The following SHISA9 variants were observed in gnomAD, a reference collection of about 807,000 sequenced individuals.
SHISA9 encodes protein shisa-9.
SHISA9 carries 13 observed loss-of-function variants against 38.0 expected under a neutral mutation model. That is an observed-to-expected ratio of 0.34 (90% CI 0.22 to 0.54). SHISA9 has a LOEUF of 0.54. SHISA9 is among the 20% of genes least tolerant of loss of function. The pLI is 0.91. For missense variants in SHISA9, 538 were observed against 575.8 expected (o/e 0.93, Z 0.67); for synonymous variants, 275 against 242.0 (o/e 1.14, Z -1.27).
chr16:12,969,427 T>C (rs1460429508), intron 2 of SHISA9, among the ~76,000 whole-genome samples: 1 of 151,688 alleles, frequency 6.6e-6, no homozygotes, highest in Non-Finnish European at 1.5e-5. Flanking sequence ...CTTGCACTTA[T>C]AAAGTGTACA....
At chr16:13,374,191 A>G in the SHISA9 span, among the ~76,000 whole-genome samples, 1 of 151,044 alleles carries the variant, frequency 6.6e-6, no homozygotes, top group Non-Finnish European at 1.5e-5. Context: ...GTATGCTTTA[A>G]GTTCTAGGGT....
At chr16:13,159,072 A>C (rs1474804258) in intron 2 of SHISA9, among the ~76,000 whole-genome samples, 2 of 147,542 alleles carry the variant, frequency 1.4e-5, no homozygotes, top group South Asian at 2.2e-4. Context: ...AAAAAAAAAA[A>C]CAAAACCAAA....
chr16:13,513,626 T>C, the SHISA9 span, among the ~76,000 whole-genome samples: 1 of 152,132 alleles, frequency 6.6e-6, no homozygotes, highest in Non-Finnish European at 1.5e-5. Context: ...GAAAATGTGG[T>C]ACATACACAC....
the SHISA9 span, among the ~76,000 whole-genome samples, chr16:13,497,030 T>C: frequency 0.015 from 2,253 of 152,264 alleles, 51 homozygotes; most frequent in African/African-American, 0.05. Flanking sequence ...TGAAGTTAAT[T>C]TGAAAATATA....
chr16:13,028,168 C>T (rs1045594994), intron 2 of SHISA9, among the ~76,000 whole-genome samples: 22 of 151,878 alleles, frequency 1.4e-4, no homozygotes, highest in Admixed American at 3.9e-4. Flanking sequence ...CAAAATTGAT[C>T]AAACTGTGTA....
the SHISA9 span, among the ~76,000 whole-genome samples, chr16:13,511,923 C>T: frequency 6.6e-6 from 1 of 152,070 alleles, no homozygotes; most frequent in Non-Finnish European, 1.5e-5. Context: ...GCAGAGGGAA[C>T]AATCCTAAGA....
chr16:12,918,118 G>A (rs570227156), intron 2 of SHISA9, among the ~76,000 whole-genome samples: 1 of 152,246 alleles, frequency 6.6e-6, no homozygotes, highest in South Asian at 2.1e-4. Context: ...GATCACAAAA[G>A]GGTATGAGAA....
chr16:13,325,897 C>T, the SHISA9 span, among the ~76,000 whole-genome samples: 1 of 151,118 alleles, frequency 6.6e-6, no homozygotes, highest in African/African-American at 2.4e-5. Context: ...CAGGGCCTCT[C>T]GGTGGGGTAT....
intron 2 of SHISA9, among the ~76,000 whole-genome samples, chr16:13,040,854 G>A (rs893854565): frequency 1.3e-5 from 2 of 152,192 alleles, no homozygotes; most frequent in Non-Finnish European, 2.9e-5. Flanking sequence ...TTTGTTTTAA[G>A]TTGCCCTGTT....
intron 2 of SHISA9, among the ~76,000 whole-genome samples, chr16:13,007,909 C>A (rs1002700492): frequency 6.6e-6 from 1 of 152,116 alleles, no homozygotes; most frequent in African/African-American, 2.4e-5. Context: ...TTTAGTATTC[C>A]CAGGGTCTTG....
At chr16:13,337,804 T>C in the SHISA9 span, among the ~76,000 whole-genome samples, 1 of 152,000 alleles carries the variant, frequency 6.6e-6, no homozygotes, top group Admixed American at 6.6e-5. Flanking sequence ...TCTCATGAGA[T>C]CTCATTGTTC....
intron 2 of SHISA9, among the ~76,000 whole-genome samples, chr16:13,078,844 G>C (rs1245863260): frequency 1.3e-5 from 2 of 152,148 alleles, no homozygotes; most frequent in African/African-American, 2.4e-5. Flanking sequence ...GCAACCTGAT[G>C]GTGGAGATGC....
chr16:13,453,834 C>T, the SHISA9 span, among the ~76,000 whole-genome samples: 1 of 152,330 alleles, frequency 6.6e-6, no homozygotes, highest in South Asian at 2.1e-4. Context: ...GCTCACCTCA[C>T]TCCCAATCAA....
chr16:13,496,814 TAC>T, the SHISA9 span, among the ~76,000 whole-genome samples: 1 of 152,082 alleles, frequency 6.6e-6, no homozygotes, highest in East Asian at 1.9e-4. Flanking sequence ...AAGGTTAAAA[TAC>T]ACACACACGA....
chr16:13,362,432 C>CA, the SHISA9 span, among the ~76,000 whole-genome samples: 82 of 151,498 alleles, frequency 5.4e-4, 2 homozygotes, highest in East Asian at 0.014. Context: ...TGTCTCAGAC[C>CA]AAAAAAACAA....
chr16:13,120,118 A>G (rs779252250), intron 2 of SHISA9, among the ~76,000 whole-genome samples: 5 of 152,218 alleles, frequency 3.3e-5, no homozygotes, highest in Non-Finnish European at 1.5e-5. Flanking sequence ...GGGGACAGAT[A>G]GGTGTCTGCA....
At chr16:13,380,077 A>G in the SHISA9 span, among the ~76,000 whole-genome samples, 8 of 152,162 alleles carry the variant, frequency 5.3e-5, no homozygotes, top group Non-Finnish European at 1.2e-4. Flanking sequence ...GAACCGAAAG[A>G]CGAAGATACA....
chr16:13,175,080 G>A (rs1227204528), intron 2 of SHISA9, among the ~76,000 whole-genome samples: 1 of 152,090 alleles, frequency 6.6e-6, no homozygotes, highest in African/African-American at 2.4e-5. Flanking sequence ...AAAAAGGTCT[G>A]GGATGGACGT....
At chr16:13,284,993 T>C in the SHISA9 span, among the ~76,000 whole-genome samples, 1 of 149,414 alleles carries the variant, frequency 6.7e-6, no homozygotes, top group South Asian at 2.1e-4. Flanking sequence ...ATGTTTGATC[T>C]TTTTTTTCAC....
Sources: gnomAD v4.1 joint callset for allele counts (sites outside exome capture counted in the v4.1 genomes callset) on GRCh38, gnomAD v4.1.1 for gene constraint, MANE v1.5 for transcripts, NCBI Gene and HGNC (gene_info 2026-07-23, HGNC 2026-07-21) for gene names.